The following ASIC2 variants were observed in gnomAD, a reference collection of about 807,000 sequenced individuals.
ASIC2 encodes acid sensing ion channel subunit 2.
In ASIC2, 25 loss-of-function variants were observed where a neutral mutation model predicts 57.3. The observed-to-expected ratio is 0.44, with a 90% CI of 0.32 to 0.61. The LOEUF (loss-of-function observed/expected upper bound fraction) is 0.61, where lower values mean the gene tolerates loss of function less well. Ranked by LOEUF, ASIC2 falls within the 20% of genes least tolerant of loss-of-function variation. ASIC2 has a pLI of 0.06. For synonymous variants in ASIC2, 319 were observed against 307.5 expected, an observed-to-expected ratio of 1.04 and a Z score of -0.39; for missense variants, 641 against 738.1, an observed-to-expected ratio of 0.87 and a Z score of 1.52.
rs115507675 is a variant in ASIC2 at position 33,979,140 on chromosome 17, G to T, written c.555+176838C>A. 4.9e-3 allele frequency among the ~76,000 whole-genome samples: 747 copies of T among 152,230 alleles called. 7 individuals carry two copies. Among genetic ancestry groups the T allele is most frequent in the African/African-American group, 0.016 (678 of 41,542 alleles). On this transcript the variant is annotated intron_variant, in intron 1 of 9. Coordinates refer to the ASIC2 transcript ENST00000359872. ...GAGAGAGGAGGGTGGGCAGTGAGTT[G>T]CATGAAGGCAAGACACCCTCTAAAG...
rs115813898 is a variant in ASIC2 at position 33,422,915 on chromosome 17, T to G, written c.556-310848A>C. 2.1e-3 allele frequency among the ~76,000 whole-genome samples: 326 copies of G among 152,226 alleles called. 4 individuals carry two copies. Among genetic ancestry groups the G allele is most frequent in the African/African-American group, 7.3e-3 (305 of 41,522 alleles). On this transcript the variant is annotated intron_variant, in intron 1 of 9. Transcript: ENST00000359872. ...ACTGAGACTAAAGGCAGGAAGGTGATGTCAGCAGAGCAACCAAGAGAGTCA... is the reference window on the plus strand; with the variant it reads ...ACTGAGACTAAAGGCAGGAAGGTGAGGTCAGCAGAGCAACCAAGAGAGTCA...
intron 1 of ASIC2, among the ~76,000 whole-genome samples, chr17:33,436,648 G>C (rs1403528813): frequency 6.6e-6 from 1 of 151,996 alleles, no homozygotes; most frequent in Non-Finnish European, 1.5e-5. Flanking sequence ...TGAGTCTCAG[G>C]GAGACTGACT....
intron 1 of ASIC2, among the ~76,000 whole-genome samples, chr17:33,459,084 G>GT (rs918179364): frequency 5.3e-5 from 8 of 151,400 alleles, no homozygotes; most frequent in African/African-American, 1.9e-4. Flanking sequence ...TCGTTTTTTT[G>GT]TTTTTTGTGT....
At chr17:33,409,076 G>A (rs879400522) in intron 1 of ASIC2, among the ~76,000 whole-genome samples, 3 of 152,194 alleles carry the variant, frequency 2.0e-5, no homozygotes, top group Admixed American at 1.3e-4. Context: ...TTAGCCAGAA[G>A]TGGTGGTGTG....
At chr17:34,074,602 A>G (rs1033306539) in intron 1 of ASIC2, among the ~76,000 whole-genome samples, 1 of 152,046 alleles carries the variant, frequency 6.6e-6, no homozygotes, top group East Asian at 1.9e-4. Flanking sequence ...GTTAAGCTCC[A>G]TTCTAGTCCA....
chr17:33,520,643 T>C (rs1046890249), intron 1 of ASIC2, among the ~76,000 whole-genome samples: 1 of 152,258 alleles, frequency 6.6e-6, no homozygotes, highest in African/African-American at 2.4e-5. Context: ...ACAGTCTGGC[T>C]GATCCCCTTA....
chr17:34,048,506 T>C (rs1908422637), intron 1 of ASIC2, among the ~76,000 whole-genome samples: 1 of 152,222 alleles, frequency 6.6e-6, no homozygotes, highest in Non-Finnish European at 1.5e-5. Flanking sequence ...AAGCTGCCTA[T>C]CTGCCTATCA....
chr17:33,269,142 C>T (rs1410775726), intron 1 of ASIC2, among the ~76,000 whole-genome samples: 2 of 151,970 alleles, frequency 1.3e-5, no homozygotes, highest in Non-Finnish European at 2.9e-5. Context: ...TTCCTGGGGC[C>T]CCATATTACC....
At chr17:33,799,375 TTC>T (rs1912020762) in intron 1 of ASIC2, among the ~76,000 whole-genome samples, 5 of 94,884 alleles carry the variant, frequency 5.3e-5, no homozygotes, top group African/African-American at 1.7e-4. Context: ...TCTTTCTTTC[TTC>T]CTTTCTTTCT....
Position 33,122,339 on chromosome 17 carries a change from G to A in ASIC2, c.709-10272C>T, listed in dbSNP as rs116482076. Among the ~76,000 whole-genome samples, 1,063 of 152,150 alleles carry A rather than the reference G, an allele frequency of 7.0e-3. 13 individuals are homozygous for A. Among genetic ancestry groups the A allele is most frequent in the African/African-American group, 0.024 (999 of 41,462 alleles). On this transcript the variant is annotated intron_variant, in intron 1 of 9. Transcript: ENST00000225823. The stretch of plus-strand genomic sequence containing the variant: ...TTCGGTGGAGCACATCTTAGTCTAC[G>A]TTCGATCACCCATGACATGATGGAT...
chr17:33,072,453 C>A (rs1174378019), intron 3 of ASIC2, among the ~76,000 whole-genome samples: 1 of 152,096 alleles, frequency 6.6e-6, no homozygotes, highest in Non-Finnish European at 1.5e-5. Flanking sequence ...AATTTTAATA[C>A]CAATAACAAT....
chr17:33,414,938 C>A (rs778701057), intron 1 of ASIC2, among the ~76,000 whole-genome samples: 50 of 152,194 alleles, frequency 3.3e-4, no homozygotes, highest in Non-Finnish European at 5.6e-4. Context: ...GGTTTCCCAA[C>A]CAGGCTACTG....
At chr17:33,109,453 A>T (rs750013262) in intron 2 of ASIC2, among the ~76,000 whole-genome samples, 2 of 152,126 alleles carry the variant, frequency 1.3e-5, no homozygotes, top group Non-Finnish European at 2.9e-5. Flanking sequence ...CCCGTTCTTC[A>T]TACAGCCTGC....
Position 33,049,999 on chromosome 17 carries a change from C to G in ASIC2, c.988-21607G>C, listed in dbSNP as rs960877769. Among the ~76,000 whole-genome samples, 3 of 152,160 alleles carry G rather than the reference C, an allele frequency of 2.0e-5. No homozygotes were observed. The East Asian group carries it at 5.8e-4, about 30-fold the overall frequency. ...TGCTCACTGTTGCCTCCTAGTGGTC[C>G]CAAGGATCAGGGCAAGGCTTTTTGA... On this transcript the variant is annotated intron_variant, in intron 3 of 9. Transcript: ENST00000225823.
intron 1 of ASIC2, among the ~76,000 whole-genome samples, chr17:33,248,671 C>T (rs771887998): frequency 6.6e-6 from 1 of 152,166 alleles, no homozygotes; most frequent in Non-Finnish European, 1.5e-5. Context: ...CTTCCAGCCT[C>T]CGGTGGCTCC....
chr17:33,570,375 C>T (rs1373186600), intron 1 of ASIC2, among the ~76,000 whole-genome samples: 1 of 152,186 alleles, frequency 6.6e-6, no homozygotes, highest in African/African-American at 2.4e-5. Flanking sequence ...GGCCTGAGTC[C>T]TGGGCACCTG....
intron 1 of ASIC2, among the ~76,000 whole-genome samples, chr17:33,808,772 T>A (rs1912337825): frequency 6.6e-6 from 1 of 152,158 alleles, no homozygotes; most frequent in Non-Finnish European, 1.5e-5. Context: ...ATTAAAGAGA[T>A]GACATACAGA....
At chr17:33,580,469 T>C (rs972403989) in intron 1 of ASIC2, among the ~76,000 whole-genome samples, 3 of 152,144 alleles carry the variant, frequency 2.0e-5, no homozygotes, top group Non-Finnish European at 4.4e-5. Context: ...ATGATGTTAC[T>C]TGTAGATGTG....
intron 1 of ASIC2, among the ~76,000 whole-genome samples, chr17:33,158,934 T>A (rs1905086490): frequency 6.6e-6 from 1 of 152,072 alleles, no homozygotes; most frequent in African/African-American, 2.4e-5. Flanking sequence ...ACTGAAGACT[T>A]TAATTTGGCA....
Sources: gnomAD v4.1 joint callset for allele counts (sites outside exome capture counted in the v4.1 genomes callset) on GRCh38, gnomAD v4.1.1 for gene constraint, MANE v1.5 for transcripts, NCBI Gene and HGNC (gene_info 2026-07-23, HGNC 2026-07-21) for gene names.